The following ANO1 variants were observed in gnomAD, a reference collection of about 807,000 sequenced individuals.
ANO1 encodes the protein anoctamin 1, also known as anoctamin-1.
In ANO1, 59 loss-of-function variants were observed where a neutral mutation model predicts 124.0. That is an observed-to-expected ratio of 0.48 (90% confidence interval 0.39 to 0.59). ANO1 has a LOEUF of 0.59. Ranked by LOEUF, ANO1 falls within the 20% of genes least tolerant of loss-of-function variation. The pLI is 0.00. For synonymous variants in ANO1, 529 were observed against 532.0 expected (o/e 0.99, Z 0.08); for missense variants, 1,059 against 1,328.0 (o/e 0.80, Z 3.15).
intron 1 of ANO1, among the ~76,000 whole-genome samples, chr11:70,031,825 C>T (rs1449296511): frequency 3.3e-5 from 5 of 152,208 alleles, no homozygotes; most frequent in South Asian, 2.1e-4. Context: ...ATGCTTCCGA[C>T]GTACATCCAC....
chr11:70,149,578 G>A, intron 11 of ANO1, 132 bp from the exon 12 acceptor site: 2 of 882,660 alleles, frequency 2.3e-6, no homozygotes, highest in Non-Finnish European at 3.4e-6. Flanking sequence ...TTGAACCCAG[G>A]AGGCGAGATT....
rs1213430769 is a variant in ANO1, at chr11:70,070,698, G to A, written c.59-7844G>A. ...GTGAATAAATGAATTGTGAGTGCAT[G>A]GTGAGTGGGTAAGTAAGTGGGGAAT... On this transcript the variant is annotated intron_variant, in intron 1 of 27. Transcript: ENST00000531349. 2.0e-5 allele frequency among the ~76,000 whole-genome samples: 3 copies of A among 152,182 alleles called. No homozygotes were observed. The East Asian group carries it at 5.8e-4, about 29-fold the overall frequency.
chr11:70,019,447 C>T (rs541029624), intron 1 of ANO1, among the ~76,000 whole-genome samples: 4 of 152,106 alleles, frequency 2.6e-5, no homozygotes, highest in African/African-American at 4.8e-5. Context: ...GAGAGGGTGC[C>T]GCAGGAAATG....
intron 21 of ANO1, among the ~76,000 whole-genome samples, chr11:70,170,334 G>A (rs908872931): frequency 6.6e-6 from 1 of 152,342 alleles, no homozygotes; most frequent in East Asian, 1.9e-4. Context: ...GGCTGGCGAG[G>A]TGGCTCATGC....
intron 1 of ANO1, among the ~76,000 whole-genome samples, chr11:70,057,496 A>G (rs782686073): frequency 2.0e-5 from 3 of 152,034 alleles, no homozygotes; most frequent in Non-Finnish European, 4.4e-5. Flanking sequence ...ACCTGGGTGC[A>G]GGCGAGGCAG....
intron 22 of ANO1, among the ~76,000 whole-genome samples, chr11:70,171,359 C>T (rs1555051797): frequency 2.0e-5 from 3 of 148,554 alleles, no homozygotes; most frequent in Non-Finnish European, 4.5e-5. Context: ...TGATGGCTGG[C>T]GACACCCACC....
intron 1 of ANO1, among the ~76,000 whole-genome samples, chr11:70,046,952 C>A (rs1418826529): frequency 1.3e-5 from 2 of 151,736 alleles, no homozygotes; most frequent in Non-Finnish European, 1.5e-5. Flanking sequence ...CTGGTTCAGG[C>A]ACCTGTAATT....
At chr11:70,135,494 T>C (rs1190538660) in intron 11 of ANO1, among the ~76,000 whole-genome samples, 8 of 152,218 alleles carry the variant, frequency 5.3e-5, no homozygotes, top group Non-Finnish European at 1.2e-4. Flanking sequence ...CCCCACGCTC[T>C]GCCCATCCCT....
At chr11:70,163,617 A>G in intron 19 of ANO1, 1 of 598,322 alleles carries the variant, frequency 1.7e-6, no homozygotes, top group South Asian at 2.1e-5. Flanking sequence ...TTTTTGTGAG[A>G]CTGAATATTT....
intron 4 of ANO1, among the ~76,000 whole-genome samples, chr11:70,104,460 C>A (rs915558187): frequency 1.6e-4 from 25 of 152,184 alleles, no homozygotes; most frequent in African/African-American, 5.8e-4. Context: ...GCCCCGCCAC[C>A]CCATCCCCCT....
At chr11:69,972,239 CCAGGGCATTGACCAA>C in the ANO1 span, among the ~76,000 whole-genome samples, 1 of 149,784 alleles carries the variant, frequency 6.7e-6, no homozygotes, top group Non-Finnish European at 1.5e-5. Flanking sequence ...AACCAGTATG[CCAGGGCATTGACCAA>C]CAGGCTACTG....
At chr11:70,163,402 C>T in intron 19 of ANO1, 62 bp downstream of exon 19, 3 of 1,578,572 alleles carry the variant, frequency 1.9e-6, no homozygotes, top group Non-Finnish European at 2.6e-6. Context: ...TTGTCTACAC[C>T]ATGCACTTGG....
chr11:70,003,251 T>C (rs1856418764), intron 1 of ANO1, among the ~76,000 whole-genome samples: 1 of 152,194 alleles, frequency 6.6e-6, no homozygotes, highest in Non-Finnish European at 1.5e-5. Context: ...AAAAGACAGC[T>C]TTACTCATAA....
chr11:70,105,945 G>A (rs2045518531), intron 5 of ANO1, among the ~76,000 whole-genome samples, 157 bp downstream of exon 5: 1 of 152,046 alleles, frequency 6.6e-6, no homozygotes, highest in African/African-American at 2.4e-5. Flanking sequence ...GGCAACGAGG[G>A]GCCCAGGGGA....
upstream of ANO1, among the ~76,000 whole-genome samples, chr11:70,078,056 A>G (rs1196074463): frequency 6.6e-6 from 1 of 152,084 alleles, no homozygotes; most frequent in African/African-American, 2.4e-5. Context: ...GTGACGCGCC[A>G]CAGAAGCGCC....
chr11:70,109,718 C>T (rs1049516677), intron 6 of ANO1, among the ~76,000 whole-genome samples: 1 of 152,142 alleles, frequency 6.6e-6, no homozygotes, highest in African/African-American at 2.4e-5. Flanking sequence ...GTCCCTGCAG[C>T]GTTCCTTCCA....
intron 1 of ANO1, among the ~76,000 whole-genome samples, chr11:70,056,867 G>T: frequency 7.6e-6 from 1 of 132,288 alleles, no homozygotes. Context: ...CAATTTCAAT[G>T]CTTTCTGTTA....
At chr11:70,166,265 C>T (rs954939740) in intron 20 of ANO1, among the ~76,000 whole-genome samples, 1 of 152,166 alleles carries the variant, frequency 6.6e-6, no homozygotes, top group Admixed American at 6.5e-5. Context: ...TTGCAGTGAG[C>T]CGAGATCGCA....
chr11:70,085,350 A>G, intron 1 of ANO1: 1 of 1,369,630 alleles, frequency 7.3e-7, no homozygotes, highest in Non-Finnish European at 9.5e-7. Context: ...ACCCACCCAC[A>G]TGGGCGTGGT....
Sources: gnomAD v4.1 joint callset for allele counts (sites outside exome capture counted in the v4.1 genomes callset) on GRCh38, gnomAD v4.1.1 for gene constraint, MANE v1.5 for transcripts, NCBI Gene and HGNC (gene_info 2026-07-23, HGNC 2026-07-21) for gene names.